The following EGFR variants were observed in gnomAD, a reference collection of about 807,000 sequenced individuals.
EGFR encodes the protein epidermal growth factor receptor.
A neutral mutation model predicts 143.0 loss-of-function variants in EGFR; 58 were observed. The ratio of observed to expected loss-of-function variants is 0.41; its 90% CI spans 0.33 to 0.50. The LOEUF is 0.50. Ranked by LOEUF, EGFR falls within the 20% of genes least tolerant of loss-of-function variation. The pLI, the probability that EGFR is intolerant of heterozygous loss-of-function variation, is 0.39. For synonymous variants in EGFR, 613 were observed against 594.4 expected, an observed-to-expected ratio of 1.03 and a Z score of -0.45; for missense variants, 1,307 against 1,579.0, an observed-to-expected ratio of 0.83 and a Z score of 2.92.
At chr7:55,065,901 G>A (rs1019127306) in intron 1 of EGFR, among the ~76,000 whole-genome samples, 3 of 141,428 alleles carry the variant, frequency 2.1e-5, no homozygotes, top group African/African-American at 5.4e-5. Flanking sequence ...TATTCTCTAC[G>A]GCTGCATTCC....
intron 20 of EGFR, among the ~76,000 whole-genome samples, chr7:55,183,752 T>C (rs1787000995): frequency 6.6e-6 from 1 of 152,260 alleles, no homozygotes; most frequent in Non-Finnish European, 1.5e-5. Context: ...GGTTGGTTTA[T>C]GGCTTACTTG....
intron 15 of EGFR, chr7:55,166,305 C>A: frequency 1.7e-6 from 1 of 576,628 alleles, no homozygotes; most frequent in East Asian, 3.4e-5. Flanking sequence ...TATAGTAGTT[C>A]ACACTTACTT....
At chr7:55,169,703 C>T (rs1489430663) in intron 15 of EGFR, among the ~76,000 whole-genome samples, 1 of 152,070 alleles carries the variant, frequency 6.6e-6, no homozygotes, top group Non-Finnish European at 1.5e-5. Context: ...TCAGCAGGAG[C>T]CCCTCGCCTT....
chr7:55,022,205 G>C (rs1001909171), intron 1 of EGFR, among the ~76,000 whole-genome samples: 1 of 152,142 alleles, frequency 6.6e-6, no homozygotes, highest in Non-Finnish European at 1.5e-5. Context: ...GCTGAGCAAA[G>C]CCCTGCCTCT....
chr7:55,171,948 T>A (rs1319667790), intron 16 of EGFR, among the ~76,000 whole-genome samples: 1 of 152,130 alleles, frequency 6.6e-6, no homozygotes, highest in African/African-American at 2.4e-5. Flanking sequence ...TTTGGCATGC[T>A]CCTCCGCCCC....
At chr7:55,047,082 G>A (rs1788219511) in intron 1 of EGFR, among the ~76,000 whole-genome samples, 2 of 152,154 alleles carry the variant, frequency 1.3e-5, no homozygotes, top group Non-Finnish European at 2.9e-5. Context: ...GGTACGATAG[G>A]GCCATTCCAA....
chr7:55,183,262 CA>C (rs1241383883), intron 20 of EGFR, among the ~76,000 whole-genome samples: 2 of 149,410 alleles, frequency 1.3e-5, no homozygotes, highest in South Asian at 2.1e-4. Flanking sequence ...CTTCTTAGCA[CA>C]AAAAAAAATG....
chr7:55,205,756 C>G lies in EGFR; in HGVS notation c.*139C>G. On this transcript the variant is annotated 3_prime_UTR_variant, in exon 28 of 28. Transcript: ENST00000275493. ...ACTGGTTTTGCAACGTTTACACCGA[C>G]TAGCCAGGAAGTACTTCCACCTCGG... is the stretch of plus-strand genomic sequence containing the variant. 2.2e-6 allele frequency: 3 copies of G among 1,363,510 alleles called. No homozygotes were observed. Among genetic ancestry groups the G allele is most frequent in the Non-Finnish European group, 3.1e-6 (3 of 974,020 alleles). The allele number at this position is 1,363,510 out of a possible 1,614,324, so 84.5% of individuals were successfully genotyped here. A position where few individuals can be genotyped will look rare whatever the true frequency, so the allele number is the denominator to read the frequency against.
At chr7:55,103,564 G>T (rs896288004) in intron 1 of EGFR, among the ~76,000 whole-genome samples, 15 of 152,326 alleles carry the variant, frequency 9.8e-5, no homozygotes, top group African/African-American at 3.4e-4. Context: ...AAGGAAGAAA[G>T]CTGGTCTAGA....
chr7:55,109,880 G>C, intron 1 of EGFR: 1 of 985,602 alleles, frequency 1.0e-6, no homozygotes, highest in Non-Finnish European at 1.2e-6. Context: ...GCTCTGGGCT[G>C]CTGGCTGGTT....
At chr7:55,193,304 C>CT (rs1787481721) in intron 22 of EGFR, among the ~76,000 whole-genome samples, 1 of 152,142 alleles carries the variant, frequency 6.6e-6, no homozygotes, top group Non-Finnish European at 1.5e-5. Context: ...CTGAGGATGT[C>CT]TGCAGGGATA....
intron 1 of EGFR, among the ~76,000 whole-genome samples, chr7:55,028,529 A>T (rs939640754): frequency 3.9e-4 from 59 of 152,322 alleles, no homozygotes; most frequent in African/African-American, 1.3e-3. Flanking sequence ...TTGTTTATTT[A>T]CCAGCAATCA....
intron 11 of EGFR, 103 bp downstream of exon 11, chr7:55,157,856 T>C: frequency 8.6e-7 from 1 of 1,164,884 alleles, no homozygotes. Context: ...AGCTCCTGCA[T>C]CTCTCGCCGG....
chr7:55,161,656 C>T (rs2128943172), intron 13 of EGFR, 25 bp downstream of exon 13: 1 of 1,614,190 alleles, frequency 6.2e-7, no homozygotes, highest in Non-Finnish European at 8.5e-7. Context: ...CTTTAATCCC[C>T]TTGCGTTGAT....
Position 55,154,110 on chromosome 7 carries a change from G to C in EGFR, c.847G>C (p.Gly283Arg), listed in dbSNP as rs2128935079. ...GTACCAGATGGATGTGAACCCCGAG[G>C]GCAAATACAGCTTTGGTGCCACCTG... The part of the protein sequence containing the change: ...TTYQMDVNPE[G>R]KYSFGATCVK... Residue 283 changes from glycine (G) to arginine (R), a missense_variant, in exon 7 of 28, where the codon GGC becomes CGC. Physicochemically the swap from Gly to Arg is moderately radical, Grantham distance 125. Around this residue, in one of 7 missense-constraint regions of EGFR, gnomAD observed 311 missense variants for 412.3 expected, o/e 0.75. Transcript: ENST00000275493. 1 of 1,614,200 alleles carries C rather than the reference G, an allele frequency of 6.2e-7. No homozygotes were observed. Among genetic ancestry groups the C allele is most frequent in the Non-Finnish European group, 8.5e-7 (1 of 1,180,050 alleles).
At chr7:55,145,593 G>A (rs1487493084) in intron 3 of EGFR, among the ~76,000 whole-genome samples, 1 of 152,206 alleles carries the variant, frequency 6.6e-6, no homozygotes, top group African/African-American at 2.4e-5. Flanking sequence ...ATCTTCAGGG[G>A]TGAATCCCTC....
At chr7:55,156,942 T>C in intron 10 of EGFR, 110 bp downstream of exon 10, 1 of 1,567,476 alleles carries the variant, frequency 6.4e-7, no homozygotes. Flanking sequence ...TTCTGAAATT[T>C]TACCGTTAAT....
At chr7:55,181,676 G>A (rs889710113) in intron 20 of EGFR, 198 bp downstream of exon 20, 17 of 666,690 alleles carry the variant, frequency 2.5e-5, no homozygotes, top group Admixed American at 7.4e-5. Flanking sequence ...TCTGCATGTG[G>A]AAACTCTCAT....
rs577274312 is a variant in EGFR, at chr7:55,152,778, A to G, written c.747+114A>G. On this transcript the variant is annotated intron_variant, in intron 6 of 27. Coordinates refer to ENST00000275493, the MANE Select transcript of EGFR (RefSeq NM_005228.5). ...GCTGTCAATTAGCATTTGTCATAACAGACAGGATATTGCCCTCTGCCTGGT... is the reference window on the plus strand; with the variant it reads ...GCTGTCAATTAGCATTTGTCATAACGGACAGGATATTGCCCTCTGCCTGGT... The G allele has an allele frequency of 8.2e-6, 7 of 858,776 alleles. No individual in the cohort carries two copies. The East Asian group carries it at 1.7e-4, about 21-fold the overall frequency. 53.2% of individuals were successfully genotyped at this position (858,776 alleles called of 1,614,324 possible).
Sources: allele counts gnomAD v4.1 joint callset (sites outside exome capture counted in the v4.1 genomes callset), GRCh38; gene constraint gnomAD v4.1.1; regional missense constraint gnomAD v4.1.1; transcripts MANE v1.5; gene names NCBI Gene and HGNC (gene_info 2026-07-23, HGNC 2026-07-21).